MYBPH: variants seen among roughly 807,000 people sequenced by gnomAD.
MYBPH encodes the protein myosin binding protein H, also known as myosin-binding protein H.
MYBPH carries 49 observed loss-of-function variants against 53.6 expected under a neutral mutation model. The observed-to-expected ratio is 0.91, with a 90% CI of 0.73 to 1.16. The LOEUF is 1.16. Ranked by LOEUF, MYBPH falls within the 50% of genes most tolerant of loss-of-function variation. The pLI, the probability that MYBPH is intolerant of heterozygous loss-of-function variation, is 0.00. For missense variants in MYBPH, 558 were observed against 624.1 expected, an observed-to-expected ratio of 0.89 and a Z score of 1.13; for synonymous variants, 239 against 249.6, an observed-to-expected ratio of 0.96 and a Z score of 0.40.
chr1:203,168,769 C>T lies in MYBPH; in HGVS notation c.1418-94G>A, dbSNP rs138991872. 1,173 of 1,595,884 alleles carry T rather than the reference C, an allele frequency of 7.4e-4. 7 individuals carry two copies. The African/African-American group carries it at 0.014, about 19-fold the overall frequency. ...CCTCTTCTACACCTGTCCACCCTGC[C>T]GCTTGGAAAGTAATCAGCACAGCCT... is the stretch of plus-strand genomic sequence containing the variant. On this transcript the variant is annotated intron_variant, in intron 9 of 10. Coordinates refer to ENST00000255416, the MANE Select transcript of MYBPH (RefSeq NM_004997.3).
chr1:203,169,999 G>A (rs554635415), intron 7 of MYBPH, among the ~76,000 whole-genome samples: 5 of 152,312 alleles, frequency 3.3e-5, no homozygotes, highest in African/African-American at 1.2e-4. Flanking sequence ...GAGACTCGGC[G>A]GCTGCTGTGA....
At chr1:203,175,494 T>A (rs761622671) in intron 1 of MYBPH, 33 bp from the exon 2 acceptor site, 2 of 1,609,540 alleles carry the variant, frequency 1.2e-6, no homozygotes, top group East Asian at 4.5e-5. Context: ...GGCCAAGAGC[T>A]CCCCTCCACC....
rs143856284 is a variant in MYBPH, at chr1:203,171,992, C to A, written c.557G>T (p.Arg186Leu). The change falls in exon 4 of 11, where the codon CGC becomes CTC. Residue 186 changes from arginine (R) to leucine (L), a missense_variant. By Grantham distance (102) the Arg-to-Leu change is moderately radical. Coordinates refer to ENST00000255416, the MANE Select transcript of MYBPH (RefSeq NM_004997.3). The surrounding 1 kb of genome is among the most constrained non-coding windows in gnomAD (Gnocchi z 4.2). ...VPRHLRQTYIRQVGETVNLQI... is the reference protein window; with the variant it reads ...VPRHLRQTYILQVGETVNLQI... ...CAGGTTGACCGTCTCTCCCACCTGG[C>A]GGATGTAGGTCTGACGGAGGTGGCG... 4.2e-5 allele frequency: 55 copies of A among 1,323,358 alleles called. No individual in the cohort carries two copies. The African/African-American group carries it at 8.0e-4, about 19-fold the overall frequency. The allele number at this position is 1,323,358 out of a possible 1,614,324, so 82.0% of individuals were successfully genotyped here.
upstream of MYBPH, among the ~76,000 whole-genome samples, chr1:203,178,148 TG>T (rs1357983579): frequency 6.6e-6 from 1 of 152,188 alleles, no homozygotes; most frequent in African/African-American, 2.4e-5. Context: ...CCTGGGGCCC[TG>T]GGAATTCAAC....
rs1036359590 is a variant in MYBPH at position 203,171,242 on chromosome 1, G to T, written c.794-42C>A. On this transcript the variant is annotated intron_variant, in intron 5 of 10. Transcript: ENST00000255416. This position sits in a 1 kb window ranked among gnomAD's most constrained non-coding sequence, Gnocchi z 4.2. Reference sequence around the variant, plus strand: ...TGAGAGGAAGTGAGTGTGAGGGCCAGGCTGGCCACAGAGCCCCCACACCCA... The same window carrying T: ...TGAGAGGAAGTGAGTGTGAGGGCCATGCTGGCCACAGAGCCCCCACACCCA... The T allele has an allele frequency of 6.4e-7, 1 of 1,558,678 alleles. No individual in the cohort carries two copies. The highest frequency in any genetic ancestry group is 8.7e-7 in the Non-Finnish European group (1 of 1,150,690).
At chr1:203,175,119 G>A (rs1430973139) in intron 2 of MYBPH, among the ~76,000 whole-genome samples, 1 of 151,330 alleles carries the variant, frequency 6.6e-6, no homozygotes, top group African/African-American at 2.4e-5. Flanking sequence ...GAGGACAAGG[G>A]AGCCCCTCAA....
Position 203,171,443 on chromosome 1 carries a change from C to T in MYBPH, c.733G>A (p.Glu245Lys), listed in dbSNP as rs374945153. ...SAQRSDSGRY[E>K]LTVRVEDLEA... ...AGGTCTTCCACGCGCACAGTGAGCTCGTAGCGGCCAGAGTCGGAGCGCTGG... is the reference window on the plus strand; with the variant it reads ...AGGTCTTCCACGCGCACAGTGAGCTTGTAGCGGCCAGAGTCGGAGCGCTGG... The change falls in exon 5 of 11, where the codon GAG (glutamate) becomes AAG (lysine). Residue 245 changes from glutamate (E) to lysine (K), a missense_variant. Glu to Lys is a moderately conservative substitution (Grantham distance 56). Coordinates refer to ENST00000255416, the MANE Select transcript of MYBPH (RefSeq NM_004997.3). This position sits in a 1 kb window ranked among gnomAD's most constrained non-coding sequence, Gnocchi z 4.2. The T allele has an allele frequency of 1.1e-5, 18 of 1,613,866 alleles. No individual in the cohort carries two copies. The highest frequency in any genetic ancestry group is 1.4e-5 in the Non-Finnish European group (17 of 1,180,024).
Position 203,171,430 on chromosome 1 carries a change from C to T in MYBPH, c.746G>A (p.Arg249His), listed in dbSNP as rs147741331. The T allele has an allele frequency of 4.2e-3, 6,754 of 1,613,968 alleles. 202 individuals carry two copies. In the Admixed American group the frequency reaches 0.048, roughly 11 times the overall value. The change falls in exon 5 of 11, where the codon CGC becomes CAC. Residue 249 changes from arginine (R) to histidine (H), a missense_variant. Coordinates refer to ENST00000255416, the MANE Select transcript of MYBPH (RefSeq NM_004997.3). The surrounding 1 kb of genome is among the most constrained non-coding windows in gnomAD (Gnocchi z 4.2). ...TGCCTTGGCCTCCAGGTCTTCCACG[C>T]GCACAGTGAGCTCGTAGCGGCCAGA... is the stretch of plus-strand genomic sequence containing the variant. Reference protein sequence around the residue: ...SDSGRYELTVRVEDLEAKAVI... With the variant: ...SDSGRYELTVHVEDLEAKAVI...
At position 203,175,073 on chromosome 1, in the gene MYBPH, C is replaced by T. The variant is rs60362032; in HGVS notation, c.340+254G>A. ...CTCACCAAAGGAGAACCCAGTGTCCCCTTACCCTTCCCTTACTCAGAAGCT... is the reference window on the plus strand; with the variant it reads ...CTCACCAAAGGAGAACCCAGTGTCCTCTTACCCTTCCCTTACTCAGAAGCT... On this transcript the variant is annotated intron_variant, in intron 2 of 10. Coordinates refer to ENST00000255416, the MANE Select transcript of MYBPH (RefSeq NM_004997.3). 4.3e-3 allele frequency among the ~76,000 whole-genome samples: 659 copies of T among 152,002 alleles called. 5 individuals carry two copies. Among genetic ancestry groups the T allele is most frequent in the African/African-American group, 0.015 (620 of 41,494 alleles).
At chr1:203,178,478 G>T (rs1400593612), upstream of MYBPH, among the ~76,000 whole-genome samples, 1 of 152,192 alleles carries the variant, frequency 6.6e-6, no homozygotes, top group Non-Finnish European at 1.5e-5. Context: ...GAGGCAGGAA[G>T]GGTGCATGAG....
In MYBPH at chr1:203,168,753, C is replaced by CA. The variant is rs537148986; in HGVS notation, c.1418-79dup. ...GTTCACGGTTATACACCCTCTTCTACACCTGTCCACCCTGCCGCTTGGAAA... is the reference window on the plus strand; with the variant it reads ...GTTCACGGTTATACACCCTCTTCTACAACCTGTCCACCCTGCCGCTTGGAAA... On this transcript the variant is annotated intron_variant, in intron 9 of 10. Transcript: ENST00000255416. 3.3e-3 allele frequency: 5,276 copies of CA among 1,603,148 alleles called. 14 individuals carry two copies. Among genetic ancestry groups the CA allele is most frequent in the Non-Finnish European group, 4.2e-3 (4,934 of 1,172,298 alleles).
At position 203,170,350 on chromosome 1, in the gene MYBPH, AG is replaced by A; in HGVS notation, c.1033del (p.Leu345CysfsTer72). The A allele has an allele frequency of 6.2e-7, 1 of 1,614,210 alleles. No individual in the cohort carries two copies. Among genetic ancestry groups the A allele is most frequent in the Non-Finnish European group, 8.5e-7 (1 of 1,180,030 alleles). Reference protein sequence around the residue: ...SYSFRVFSENLCGLSTSATVT... With the variant: ...SYSFRVFSENXCGLSTSATVT... The stretch of plus-strand genomic sequence containing the variant: ...GGTGGCCGAGGTGCTGAGTCCACAC[AG>A]GTTTTCTGAGAAGACCCGGAAGGAG... On this transcript the variant is annotated frameshift_variant, in exon 7 of 11. Coordinates refer to ENST00000255416, the MANE Select transcript of MYBPH (RefSeq NM_004997.3). LOFTEE classifies it high-confidence loss of function.
chr1:203,177,356 A>C (rs147957519), upstream of MYBPH, among the ~76,000 whole-genome samples: 23 of 152,346 alleles, frequency 1.5e-4, no homozygotes, highest in African/African-American at 5.3e-4. Flanking sequence ...AAACAAATAC[A>C]TTTATGCACT....
At chr1:203,174,675 G>C in intron 2 of MYBPH, 78 bp from the exon 3 acceptor site, 4 of 1,353,178 alleles carry the variant, frequency 3.0e-6, no homozygotes, top group Non-Finnish European at 3.9e-6. Flanking sequence ...TTTTCCTGCT[G>C]GTGATCTGGG....
chr1:203,170,225 G>A, intron 7 of MYBPH, 66 bp downstream of exon 7: 1 of 1,586,400 alleles, frequency 6.3e-7, no homozygotes, highest in Non-Finnish European at 8.6e-7. Flanking sequence ...GAGGGGTGCA[G>A]AGACGCGGAG....
rs1183206996 is a variant in MYBPH, at chr1:203,171,461, A to G, written c.715T>C (p.Ser239Pro). 4 of 1,613,784 alleles carry G rather than the reference A, an allele frequency of 2.5e-6. No homozygotes were observed. The highest frequency in any genetic ancestry group is 2.5e-6 in the Non-Finnish European group (3 of 1,180,022). Residue 239 changes from serine to proline, a missense_variant, in exon 5 of 11, where the codon TCC becomes CCC. Ser to Pro is a moderately conservative substitution (Grantham distance 74). Transcript: ENST00000255416. The surrounding 1 kb of genome is among the most constrained non-coding windows in gnomAD (Gnocchi z 4.2). ...GTGAGCTCGTAGCGGCCAGAGTCGG[A>G]GCGCTGGGCCGAGCGAATGAAGAGG... is the stretch of plus-strand genomic sequence containing the variant. Reference protein sequence around the residue: ...SILFIRSAQRSDSGRYELTVR... With the variant: ...SILFIRSAQRPDSGRYELTVR...
Position 203,170,415 on chromosome 1 carries a change from G to A in MYBPH, c.969C>T (p.Thr323=). 1 of 1,614,170 alleles carries A rather than the reference G, an allele frequency of 6.2e-7. No homozygotes were observed. The change falls in exon 7 of 11, where the codon ACC becomes ACT. Residue 323 remains threonine (T), a synonymous_variant. Transcript: ENST00000255416. ...WFTVLERYHP[T]TCTISDLIIG... is the part of the protein sequence containing the mutation. ...TGATGAGGTCAGAGATGGTGCAGGT[G>A]GTTGGGTGGTAGCGCTCCAGCACTG...
chr1:203,177,937 G>A (rs1027590873), upstream of MYBPH, among the ~76,000 whole-genome samples: 1 of 152,232 alleles, frequency 6.6e-6, no homozygotes, highest in African/African-American at 2.4e-5. Flanking sequence ...TGTGACCTTG[G>A]GATCAGTAGC....
Position 203,174,615 on chromosome 1 carries a change from G to T in MYBPH, c.341-18C>A, listed in dbSNP as rs1470830837. 6.4e-7 allele frequency: 1 copy of T among 1,568,154 alleles called. No homozygotes were observed. The highest frequency in any genetic ancestry group is 1.8e-5 in the Admixed American group (1 of 56,636). ...CTCCGAGGCTGAGGGGATGGAGAGA[G>T]TGTGAGGTCTTTGCAATGTGGCCAC... On this transcript the variant is annotated intron_variant, in intron 2 of 10. Coordinates refer to ENST00000255416, the MANE Select transcript of MYBPH (RefSeq NM_004997.3).
Sources: allele counts gnomAD v4.1 joint callset (sites outside exome capture counted in the v4.1 genomes callset), GRCh38; gene constraint gnomAD v4.1.1; non-coding constraint Gnocchi (gnomAD v3.1); transcripts MANE v1.5; gene names NCBI Gene and HGNC (gene_info 2026-07-23, HGNC 2026-07-21).